PNPLA8: variants seen among roughly 807,000 people sequenced by gnomAD.
PNPLA8 encodes patatin like domain 8, phospholipase A2.
Under a neutral mutation model 76.9 loss-of-function variants are expected in PNPLA8, and 39 were observed. That is an observed-to-expected ratio of 0.51 (90% CI 0.39 to 0.66). The LOEUF (loss-of-function observed/expected upper bound fraction) is 0.66, where lower values mean the gene tolerates loss of function less well. PNPLA8 is among the 30% of genes least tolerant of loss of function. The pLI is 0.00. For missense variants in PNPLA8, 887 were observed against 918.0 expected, an observed-to-expected ratio of 0.97 and a Z score of 0.44; for synonymous variants, 301 against 307.9, an observed-to-expected ratio of 0.98 and a Z score of 0.24.
intron 2 of PNPLA8, among the ~76,000 whole-genome samples, chr7:108,520,565 T>C (rs1026707115): frequency 5.3e-5 from 8 of 152,192 alleles, no homozygotes; most frequent in Admixed American, 2.6e-4. Context: ...AACAATGACA[T>C]ATTGTGTTAT....
chr7:108,486,779 T>C (rs974154653), intron 9 of PNPLA8, among the ~76,000 whole-genome samples: 3 of 152,106 alleles, frequency 2.0e-5, no homozygotes, highest in Admixed American at 6.5e-5. Context: ...GTTGTTTATA[T>C]AGATCTATGT....
At chr7:108,476,162 A>G (rs202226581) in intron 10 of PNPLA8, among the ~76,000 whole-genome samples, 2,886 of 123,630 alleles carry the variant, frequency 0.023, 105 homozygotes, top group African/African-American at 0.078. Flanking sequence ...TGTTGTTGTT[A>G]TATCTTATAA....
At chr7:108,526,582 G>T (rs1448704900), upstream of PNPLA8, among the ~76,000 whole-genome samples, 1 of 152,256 alleles carries the variant, frequency 6.6e-6, no homozygotes, top group African/African-American at 2.4e-5. Flanking sequence ...GTTCCTTGGA[G>T]CTGGGGGCTG....
Position 108,472,298 on chromosome 7 carries a change from T to TA in PNPLA8, c.*102dup. ...CTTTTTCAGGATTCTCCAGAATTCA[T>TA]ACGTATTTCAAAGTTAACTCATGTC... is the stretch of plus-strand genomic sequence containing the variant. On this transcript the variant is annotated 3_prime_UTR_variant, in exon 11 of 11. Coordinates refer to ENST00000257694, the MANE Select transcript of PNPLA8 (RefSeq NM_001256007.3). 2 of 768,684 alleles carry TA rather than the reference T, an allele frequency of 2.6e-6. No homozygotes were observed. Among genetic ancestry groups the TA allele is most frequent in the Non-Finnish European group, 2.1e-6 (1 of 473,346 alleles). 47.6% of individuals were successfully genotyped at this position (768,684 alleles called of 1,614,324 possible).
rs376026667 is a variant in PNPLA8 at position 108,505,512 on chromosome 7, G to A, written c.1207-2870C>T. Among the ~76,000 whole-genome samples the A allele has an allele frequency of 6.5e-3, 975 of 150,044 alleles. 13 individuals are homozygous for A. The highest frequency in any genetic ancestry group is 0.023 in the African/African-American group (918 of 40,728). On this transcript the variant is annotated intron_variant, in intron 4 of 10. Coordinates refer to ENST00000257694, the MANE Select transcript of PNPLA8 (RefSeq NM_001256007.3). ...CAAGTAGCTGGAACTACAGGCGCAC[G>A]CCACCAAGCCCAGCTAATTTTTGTA...
At chr7:108,489,807 T>A (rs1861012172) in intron 8 of PNPLA8, among the ~76,000 whole-genome samples, 1 of 152,232 alleles carries the variant, frequency 6.6e-6, no homozygotes, top group Non-Finnish European at 1.5e-5. Flanking sequence ...ATGAAATTTC[T>A]AGGCACATAA....
In PNPLA8 at chr7:108,511,209, T is replaced by C. The variant is rs76236126; in HGVS notation, c.1206+2935A>G. 3.2e-3 allele frequency among the ~76,000 whole-genome samples: 482 copies of C among 152,228 alleles called. 19 individuals carry two copies. In the East Asian group the frequency reaches 0.06, roughly 19 times the overall value. On this transcript the variant is annotated intron_variant, in intron 4 of 10. Coordinates refer to ENST00000257694, the MANE Select transcript of PNPLA8 (RefSeq NM_001256007.3). ...AAGAATGTCAATTATAATGTAGGAG[T>C]AACAGAATTAGACATTGGTCATTCT...
At chr7:108,474,011 A>ATG (rs1859804682) in intron 10 of PNPLA8, among the ~76,000 whole-genome samples, 1 of 152,108 alleles carries the variant, frequency 6.6e-6, no homozygotes, top group Non-Finnish European at 1.5e-5. Context: ...ATATATATAT[A>ATG]CATACATATG....
chr7:108,473,298 T>C lies in PNPLA8; in HGVS notation c.2075-623A>G, dbSNP rs114545832. ...GCTAAATGGTGTTCCATTGTATAGA[T>C]ACAACACAATTTGTTCTCTGCAGTT... On this transcript the variant is annotated intron_variant, in intron 10 of 10. Transcript: ENST00000257694. Among the ~76,000 whole-genome samples the C allele has an allele frequency of 6.2e-4, 94 of 152,356 alleles. 2 individuals are homozygous for C. The highest frequency in any genetic ancestry group is 2.2e-3 in the African/African-American group (92 of 41,580).
chr7:108,523,764 T>G lies in PNPLA8; in HGVS notation c.-129-2243A>C, dbSNP rs114386935. On this transcript the variant is annotated intron_variant, in intron 1 of 10. Coordinates refer to ENST00000257694, the MANE Select transcript of PNPLA8 (RefSeq NM_001256007.3). Reference sequence around the variant, plus strand: ...CGGTAAATTTTTCTTACTACCCTACTACCCCAAGCTGACCACTTTCTGATG... The same window carrying G: ...CGGTAAATTTTTCTTACTACCCTACGACCCCAAGCTGACCACTTTCTGATG... Among the ~76,000 whole-genome samples, 454 of 152,286 alleles carry G rather than the reference T, an allele frequency of 3.0e-3. 2 individuals carry two copies. The highest frequency in any genetic ancestry group is 0.011 in the African/African-American group (439 of 41,550).
In PNPLA8 at chr7:108,515,280, C is replaced by T. The variant is rs1344032644; in HGVS notation, c.212G>A (p.Cys71Tyr). The T allele has an allele frequency of 6.2e-7, 1 of 1,608,358 alleles. No homozygotes were observed. Among genetic ancestry groups the T allele is most frequent in the Non-Finnish European group, 8.5e-7 (1 of 1,177,404 alleles). Reference protein sequence around the residue: ...KSEAHSCSKHCYSPSNHGLHI... With the variant: ...KSEAHSCSKHYYSPSNHGLHI... ...TAAACCATGGTTGCTTGGAGAGTAA[C>T]AGTGCTTACTGCAAGAATGTGCTTC... Residue 71 changes from cysteine (C) to tyrosine (Y), a missense_variant, in exon 3 of 11, where the codon TGT (cysteine) becomes TAT (tyrosine). Physicochemically the swap from Cys to Tyr is radical, Grantham distance 194 (BLOSUM62 -2). Coordinates refer to ENST00000257694, the MANE Select transcript of PNPLA8 (RefSeq NM_001256007.3).
At chr7:108,518,270 T>A (rs1331472487) in intron 2 of PNPLA8, 2 of 152,222 alleles carry the variant, frequency 1.3e-5, no homozygotes, top group African/African-American at 4.8e-5. Context: ...AGCAGTATGA[T>A]TCCAGCTGTA....
Position 108,479,383 on chromosome 7 carries a change from C to A in PNPLA8, c.1879-4G>T, listed in dbSNP as rs765251445. ...TATTCAGAAGCAAACCTCCATCCTG[C>A]AAAATACAAGTTAAAAAAAGAAACT... On this transcript the variant is annotated splice_region_variant and splice_polypyrimidine_tract_variant and intron_variant, in intron 9 of 10. Coordinates refer to ENST00000257694, the MANE Select transcript of PNPLA8 (RefSeq NM_001256007.3). 2 of 1,592,930 alleles carry A rather than the reference C, an allele frequency of 1.3e-6. No homozygotes were observed. The highest frequency in any genetic ancestry group is 2.2e-5 in the East Asian group (1 of 44,628).
intron 5 of PNPLA8, 25 bp downstream of exon 5, chr7:108,502,466 A>G: frequency 2.0e-6 from 3 of 1,477,278 alleles, no homozygotes; most frequent in Non-Finnish European, 1.8e-6. Flanking sequence ...AAAAAAAAAA[A>G]AAAGAATCAT....
intron 10 of PNPLA8, among the ~76,000 whole-genome samples, chr7:108,477,932 T>A (rs982873177): frequency 5.3e-5 from 8 of 152,168 alleles, no homozygotes; most frequent in African/African-American, 1.9e-4. Context: ...ACTGAATGCC[T>A]ACTATATGCC....
At chr7:108,518,846 C>T (rs1382746361) in intron 2 of PNPLA8, among the ~76,000 whole-genome samples, 1 of 150,676 alleles carries the variant, frequency 6.6e-6, no homozygotes, top group African/African-American at 2.4e-5. Context: ...TATACATACA[C>T]ATATTGATTC....
chr7:108,489,160 T>C (rs944791205), intron 8 of PNPLA8, among the ~76,000 whole-genome samples: 1 of 152,176 alleles, frequency 6.6e-6, no homozygotes, highest in African/African-American at 2.4e-5. Context: ...CTTCATAATT[T>C]AAACCAAGCA....
chr7:108,525,841 C>T (rs568743837), intron 1 of PNPLA8, among the ~76,000 whole-genome samples, 188 bp downstream of exon 1: 62 of 152,274 alleles, frequency 4.1e-4, no homozygotes, highest in African/African-American at 1.4e-3. Context: ...GCGCCGAGTA[C>T]CAATGAGCTC....
At chr7:108,491,275 C>G (rs963521387) in intron 8 of PNPLA8, 135 bp downstream of exon 8, 1 of 606,956 alleles carries the variant, frequency 1.6e-6, no homozygotes, top group Non-Finnish European at 2.9e-6. Flanking sequence ...CTATTGCACT[C>G]CAGCCTGGGC....
Sources: allele counts gnomAD v4.1 joint callset (sites outside exome capture counted in the v4.1 genomes callset), GRCh38; gene constraint gnomAD v4.1.1; transcripts MANE v1.5; gene names NCBI Gene and HGNC (gene_info 2026-07-23, HGNC 2026-07-21).